The following ITPK1 variants were observed in gnomAD, a reference collection of about 807,000 sequenced individuals.
ITPK1 encodes the protein inositol-tetrakisphosphate 1-kinase, also known as inositol 1,3,4-trisphosphate 5/6-kinase.
Under a neutral mutation model 45.3 loss-of-function variants are expected in ITPK1, and 21 were observed. That is an observed-to-expected ratio of 0.46 (90% CI 0.33 to 0.67). ITPK1 has a LOEUF of 0.67. ITPK1 is among the 30% of genes least tolerant of loss of function. The pLI is 0.02. For missense variants in ITPK1, 474 were observed against 573.5 expected (o/e 0.83, Z 1.77); for synonymous variants, 258 against 253.6 (o/e 1.02, Z -0.16).
At chr14:92,942,052 A>G in intron 10 of ITPK1, 148 bp from the exon 11 acceptor site, 2 of 716,988 alleles carry the variant, frequency 2.8e-6, no homozygotes, top group South Asian at 1.8e-5. Context: ...CGTGAGGCTC[A>G]GCAGATAAGG....
chr14:93,045,523 G>A (rs1209889183), intron 3 of ITPK1, among the ~76,000 whole-genome samples: 1 of 152,142 alleles, frequency 6.6e-6, no homozygotes, highest in Admixed American at 6.5e-5. Flanking sequence ...TAGATGGCAC[G>A]TGCCTGTAGT....
intron 4 of ITPK1, among the ~76,000 whole-genome samples, chr14:93,003,274 T>C: frequency 6.6e-6 from 1 of 152,162 alleles, no homozygotes; most frequent in Non-Finnish European, 1.5e-5. Context: ...GGCCAAGCAA[T>C]GCTTTCTGGG....
At chr14:93,086,805 T>C (rs1489368005) in intron 2 of ITPK1, among the ~76,000 whole-genome samples, 1 of 152,058 alleles carries the variant, frequency 6.6e-6, no homozygotes, top group East Asian at 1.9e-4. Context: ...GGCACTGGGG[T>C]TTCCTGGGGC....
chr14:93,053,720 G>C (rs1456028023), intron 3 of ITPK1, among the ~76,000 whole-genome samples: 1 of 152,176 alleles, frequency 6.6e-6, no homozygotes, highest in African/African-American at 2.4e-5. Flanking sequence ...ACAGTAAGGG[G>C]GGCTGCATGT....
chr14:92,990,112 A>C (rs1441786848), intron 5 of ITPK1, among the ~76,000 whole-genome samples: 1 of 152,226 alleles, frequency 6.6e-6, no homozygotes, highest in Admixed American at 6.5e-5. Context: ...GTAGCTGGGC[A>C]TGTGGCTGCT....
intron 2 of ITPK1, among the ~76,000 whole-genome samples, chr14:93,113,806 CCA>C (rs1244399244): frequency 1.3e-5 from 2 of 152,222 alleles, no homozygotes; most frequent in Non-Finnish European, 2.9e-5. Context: ...AACCCCATCC[CCA>C]GACCAAGGGA....
intron 4 of ITPK1, among the ~76,000 whole-genome samples, chr14:92,999,476 G>A (rs1223548968): frequency 6.6e-6 from 1 of 152,244 alleles, no homozygotes; most frequent in African/African-American, 2.4e-5. Context: ...ACCATGGCAG[G>A]GCTGGGAAGG....
chr14:93,109,098 A>C (rs1892639094), intron 2 of ITPK1, among the ~76,000 whole-genome samples: 1 of 152,206 alleles, frequency 6.6e-6, no homozygotes, highest in Non-Finnish European at 1.5e-5. Context: ...CACCCAGGCA[A>C]GGGGACGGGG....
At chr14:93,002,362 G>T (rs1316814996) in intron 4 of ITPK1, among the ~76,000 whole-genome samples, 1 of 152,134 alleles carries the variant, frequency 6.6e-6, no homozygotes, top group African/African-American at 2.4e-5. Flanking sequence ...GAAGAAAAAA[G>T]AAAACAAAGT....
chr14:93,072,615 CTT>C (rs111822420), intron 3 of ITPK1, among the ~76,000 whole-genome samples: 5,806 of 139,190 alleles, frequency 0.042, 380 homozygotes, highest in African/African-American at 0.14. Context: ...AAATATTATT[CTT>C]TTTTTTTTTT....
At chr14:93,080,437 A>G (rs1241675660) in intron 2 of ITPK1, among the ~76,000 whole-genome samples, 1 of 152,250 alleles carries the variant, frequency 6.6e-6, no homozygotes, top group African/African-American at 2.4e-5. Flanking sequence ...GAAGCAATCG[A>G]TCAATGGAGG....
Position 93,036,099 on chromosome 14 carries a change from A to C in ITPK1, c.121-19298T>G, listed in dbSNP as rs1451498364. On this transcript the variant is annotated intron_variant, in intron 3 of 10. Transcript: ENST00000267615. This position sits in a 1 kb window ranked among gnomAD's most constrained non-coding sequence, Gnocchi z 4.1. Reference sequence around the variant, plus strand: ...CACCCTTTCCAAGAAAGGGCTACGAAAGCAATGGTGGCGTCAGTGAGACCT... The same window carrying C: ...CACCCTTTCCAAGAAAGGGCTACGACAGCAATGGTGGCGTCAGTGAGACCT... 6.6e-6 allele frequency among the ~76,000 whole-genome samples: 1 copy of C among 152,194 alleles called. No individual in the cohort carries two copies. The highest frequency in any genetic ancestry group is 1.5e-5 in the Non-Finnish European group (1 of 68,012).
intron 2 of ITPK1, among the ~76,000 whole-genome samples, chr14:93,094,381 A>G (rs1041266942): frequency 2.6e-5 from 4 of 152,112 alleles, no homozygotes; most frequent in Admixed American, 2.6e-4. Context: ...CGTCCTCCAC[A>G]GGCCAGCCTA....
At chr14:93,006,005 C>T (rs1299793377) in intron 4 of ITPK1, among the ~76,000 whole-genome samples, 1 of 152,154 alleles carries the variant, frequency 6.6e-6, no homozygotes, top group African/African-American at 2.4e-5. Flanking sequence ...CCACAGAACC[C>T]CCTGGAAAGG....
chr14:93,047,824 C>A (rs1215975353), intron 3 of ITPK1, among the ~76,000 whole-genome samples: 1 of 152,262 alleles, frequency 6.6e-6, no homozygotes, highest in Non-Finnish European at 1.5e-5. Context: ...AGCCCGACAT[C>A]TGCTTCCTGC....
intron 10 of ITPK1, among the ~76,000 whole-genome samples, chr14:92,943,517 C>T (rs1054259598): frequency 3.3e-5 from 5 of 152,200 alleles, no homozygotes; most frequent in African/African-American, 4.8e-5. Flanking sequence ...GTCCCGGGCA[C>T]GGGCATGGCT....
intron 4 of ITPK1, among the ~76,000 whole-genome samples, chr14:92,999,368 C>T (rs1372815406): frequency 1.3e-5 from 2 of 152,254 alleles, no homozygotes; most frequent in South Asian, 2.1e-4. Context: ...TCCCGGGCTC[C>T]GGCCCTGCCC....
Position 93,012,014 on chromosome 14 carries a change from C to T in ITPK1, c.246+4662G>A, listed in dbSNP as rs1887935348. ...GCCGCACATGCCCATCAGGCAGCGC[C>T]ATCTGCCTCATTAACGCTCCTGGCC... On this transcript the variant is annotated intron_variant, in intron 4 of 10. Transcript: ENST00000267615. This position sits in a 1 kb window ranked among gnomAD's most constrained non-coding sequence, Gnocchi z 4.9. Among the ~76,000 whole-genome samples the T allele has an allele frequency of 6.6e-6, 1 of 152,144 alleles. No individual in the cohort carries two copies. The highest frequency in any genetic ancestry group is 1.9e-4 in the East Asian group (1 of 5,158).
At chr14:93,044,231 C>T (rs566131433) in intron 3 of ITPK1, among the ~76,000 whole-genome samples, 1 of 152,322 alleles carries the variant, frequency 6.6e-6, no homozygotes, top group East Asian at 1.9e-4. Context: ...GGGCAACCAG[C>T]TTAAACACTG....
Sources: gnomAD v4.1 joint callset for allele counts (sites outside exome capture counted in the v4.1 genomes callset) on GRCh38, gnomAD v4.1.1 for gene constraint, Gnocchi (gnomAD v3.1) non-coding constraint, MANE v1.5 for transcripts, NCBI Gene and HGNC (gene_info 2026-07-23, HGNC 2026-07-21) for gene names.